EIF4E: variants seen among roughly 807,000 people sequenced by gnomAD.
EIF4E encodes the protein eukaryotic translation initiation factor 4E, also known as eIF-4F 25 kDa subunit.
For missense variants in EIF4E, 113 were observed against 265.6 expected, an observed-to-expected ratio of 0.43 and a Z score of 3.99; for synonymous variants, 71 against 88.5, an observed-to-expected ratio of 0.80 and a Z score of 1.11.
At chr4:98,892,873 T>C (rs1287885900) in intron 2 of EIF4E, among the ~76,000 whole-genome samples, 1 of 152,194 alleles carries the variant, frequency 6.6e-6, no homozygotes, top group African/African-American at 2.4e-5. Context: ...TGAAATAATG[T>C]ATACCAGTTT....
At chr4:98,882,131 G>A (rs1185832554) in intron 6 of EIF4E, among the ~76,000 whole-genome samples, 1 of 152,106 alleles carries the variant, frequency 6.6e-6, no homozygotes, top group Admixed American at 6.6e-5. Flanking sequence ...GGTGGCTCAC[G>A]CCTGTAATCC....
chr4:98,897,028 T>C lies in EIF4E; in HGVS notation c.125+4848A>G, dbSNP rs114088475. Among the ~76,000 whole-genome samples the C allele has an allele frequency of 2.2e-3, 336 of 152,322 alleles. 4 individuals carry two copies. The highest frequency in any genetic ancestry group is 3.6e-3 in the Non-Finnish European group (247 of 68,038). ...TTAAGTGCTTATCAACAAGGAATTATTTAAATCAGCAGTTCTCAAAATGTG... is the reference window on the plus strand; with the variant it reads ...TTAAGTGCTTATCAACAAGGAATTACTTAAATCAGCAGTTCTCAAAATGTG... On this transcript the variant is annotated intron_variant, in intron 2 of 6. Coordinates refer to ENST00000450253, the MANE Select transcript of EIF4E (RefSeq NM_001968.5).
intron 1 of EIF4E, among the ~76,000 whole-genome samples, chr4:98,903,660 A>G (rs1022015450): frequency 2.6e-5 from 4 of 152,168 alleles, no homozygotes; most frequent in African/African-American, 7.2e-5. Flanking sequence ...CTATTAGCCT[A>G]TAAAGTCACC....
At chr4:98,888,636 G>A (rs138598935) in intron 3 of EIF4E, among the ~76,000 whole-genome samples, 24 of 152,242 alleles carry the variant, frequency 1.6e-4, no homozygotes, top group African/African-American at 4.8e-4. Flanking sequence ...TAACATTTGC[G>A]ATGACTTAGT....
At chr4:98,894,360 C>T (rs1383937134) in intron 2 of EIF4E, among the ~76,000 whole-genome samples, 1 of 152,230 alleles carries the variant, frequency 6.6e-6, no homozygotes, top group Non-Finnish European at 1.5e-5. Flanking sequence ...AAGATGGCAT[C>T]TTCTTCCAGT....
intron 2 of EIF4E, among the ~76,000 whole-genome samples, chr4:98,900,200 G>T (rs937282962): frequency 6.6e-6 from 1 of 151,986 alleles, no homozygotes; most frequent in Non-Finnish European, 1.5e-5. Flanking sequence ...CTACTATTAG[G>T]TTAAACTATA....
At chr4:98,910,499 C>CA (rs1367375271) in intron 1 of EIF4E, among the ~76,000 whole-genome samples, 1 of 152,124 alleles carries the variant, frequency 6.6e-6, no homozygotes, top group East Asian at 1.9e-4. Context: ...AAAAATACTA[C>CA]AAAAATTCAA....
intron 2 of EIF4E, among the ~76,000 whole-genome samples, chr4:98,893,088 G>T (rs1005896628): frequency 6.6e-6 from 1 of 152,156 alleles, no homozygotes; most frequent in Non-Finnish European, 1.5e-5. Context: ...CCCGGTGCAT[G>T]TAAAAGTTAC....
chr4:98,928,759 C>G, intron 1 of EIF4E: 2 of 1,221,286 alleles, frequency 1.6e-6, no homozygotes, highest in Non-Finnish European at 2.2e-6. Flanking sequence ...CTGCGCCTTC[C>G]TATCATGAAG....
chr4:98,927,654 C>CAAAAA (rs774720176), intron 1 of EIF4E, among the ~76,000 whole-genome samples: 20 of 35,090 alleles, frequency 5.7e-4, no homozygotes, highest in Non-Finnish European at 7.0e-4. Flanking sequence ...GACTCCATCT[C>CAAAAA]AAAAAAAAAA....
At chr4:98,912,422 A>G (rs1725192000) in intron 1 of EIF4E, among the ~76,000 whole-genome samples, 1 of 149,626 alleles carries the variant, frequency 6.7e-6, no homozygotes, top group South Asian at 2.1e-4. Context: ...TAAAAAATAC[A>G]AAAATTAGCT....
Position 98,929,126 on chromosome 4 carries a change from G to A in EIF4E, c.-14C>T. ...GACAGTCGCCATCTTAGATCGATCT[G>A]ATCGCACAACCGCTCCAGAAGGGGG... On this transcript the variant is annotated 5_prime_UTR_variant, in exon 1 of 7. Coordinates refer to ENST00000450253, the MANE Select transcript of EIF4E (RefSeq NM_001968.5). The A allele has an allele frequency of 6.4e-7, 1 of 1,567,890 alleles. No individual in the cohort carries two copies. The highest frequency in any genetic ancestry group is 8.7e-7 in the Non-Finnish European group (1 of 1,156,000).
chr4:98,883,995 C>T (rs1723807859), intron 6 of EIF4E, among the ~76,000 whole-genome samples: 1 of 148,278 alleles, frequency 6.7e-6, no homozygotes, highest in Admixed American at 6.8e-5. Context: ...GCCATGACTG[C>T]ACCACTGCAC....
At chr4:98,901,627 G>A (rs1724653663) in intron 2 of EIF4E, among the ~76,000 whole-genome samples, 1 of 152,156 alleles carries the variant, frequency 6.6e-6, no homozygotes, top group African/African-American at 2.4e-5. Context: ...CTCCTTAAGG[G>A]AACTTATTTA....
intron 1 of EIF4E, among the ~76,000 whole-genome samples, chr4:98,906,103 T>C (rs898561751): frequency 6.6e-6 from 1 of 152,174 alleles, no homozygotes; most frequent in Non-Finnish European, 1.5e-5. Context: ...TAAATATACA[T>C]ATAAACCACT....
At chr4:98,891,147 C>T (rs558875712) in intron 3 of EIF4E, 90 bp downstream of exon 3, 2 of 1,379,316 alleles carry the variant, frequency 1.4e-6, no homozygotes, top group African/African-American at 2.9e-5. Flanking sequence ...AACTGTTTAA[C>T]TCACACTTCA....
In EIF4E at chr4:98,880,813, T is replaced by C. The variant is rs1723648500; in HGVS notation, c.*215A>G. 2 of 837,482 alleles carry C rather than the reference T, an allele frequency of 2.4e-6. No individual in the cohort carries two copies. The highest frequency in any genetic ancestry group is 1.9e-5 in the South Asian group (1 of 52,320). 51.9% of individuals were successfully genotyped at this position (837,482 alleles called of 1,614,324 possible). The stretch of plus-strand genomic sequence containing the variant: ...GGGGATGTGTACTGTAATTCTTTGA[T>C]TGGGATAGTGGAAACTCTAGCCAAA... On this transcript the variant is annotated 3_prime_UTR_variant, in exon 7 of 7. Transcript: ENST00000450253.
At chr4:98,885,997 T>C (rs1723900978) in intron 5 of EIF4E, among the ~76,000 whole-genome samples, 1 of 152,116 alleles carries the variant, frequency 6.6e-6, no homozygotes, top group African/African-American at 2.4e-5. Context: ...AAAAAGTCAT[T>C]CATTCATTAG....
intron 1 of EIF4E, 35 bp from the exon 2 acceptor site, chr4:98,902,017 GT>G (rs751089998): frequency 1.9e-6 from 3 of 1,559,820 alleles, no homozygotes; most frequent in Non-Finnish European, 2.7e-6. Context: ...TATTTTAAAT[GT>G]CTTAACACAT....
Sources: allele counts gnomAD v4.1 joint callset (sites outside exome capture counted in the v4.1 genomes callset), GRCh38; gene constraint gnomAD v4.1.1; transcripts MANE v1.5; gene names NCBI Gene and HGNC (gene_info 2026-07-23, HGNC 2026-07-21).